Variants in ZDHHC15 observed in about 807,000 individuals in gnomAD.
ZDHHC15 encodes the protein zDHHC palmitoyltransferase 15, also known as palmitoyltransferase ZDHHC15.
In ZDHHC15, 19 loss-of-function variants were observed where a neutral mutation model predicts 31.7. That is an observed-to-expected ratio of 0.60 (90% CI 0.42 to 0.88). The LOEUF is 0.88. Among genes scored for constraint, ZDHHC15 ranks in the 40% least tolerant of loss-of-function variants. The pLI is 0.00. For missense variants in ZDHHC15, 209 were observed against 251.2 expected (o/e 0.83, Z 1.14); for synonymous variants, 103 against 90.0 (o/e 1.14, Z -0.82).
intron 2 of ZDHHC15, among the ~76,000 whole-genome samples, chrX:75,482,792 G>T (rs181469441): frequency 5.4e-4 from 60 of 110,266 alleles, no homozygotes; most frequent in African/African-American, 1.8e-3. Context: ...TTCAGATTTT[G>T]TTTGTTCCAT....
intron 4 of ZDHHC15, among the ~76,000 whole-genome samples, chrX:75,432,227 C>T (rs2083788911): frequency 9.0e-6 from 1 of 111,465 alleles, no homozygotes; most frequent in South Asian, 3.8e-4. Context: ...TTCCTTCCTT[C>T]CTTTCCTTTA....
At chrX:75,401,774 C>T (rs191176383) in intron 10 of ZDHHC15, among the ~76,000 whole-genome samples, 717 of 111,927 alleles carry the variant, frequency 6.4e-3, no homozygotes, top group Non-Finnish European at 9.8e-3. Flanking sequence ...GAGACAGAGT[C>T]CCACACAATA....
At chrX:75,385,686 G>A (rs189694170) in intron 10 of ZDHHC15, among the ~76,000 whole-genome samples, 24 of 110,819 alleles carry the variant, frequency 2.2e-4, no homozygotes, top group East Asian at 5.7e-4. Context: ...GGGGTGTTGC[G>A]CATTACAACC....
At chrX:75,391,330 C>T (rs1254530901) in intron 10 of ZDHHC15, among the ~76,000 whole-genome samples, 2 of 111,361 alleles carry the variant, frequency 1.8e-5, no homozygotes, top group Non-Finnish European at 3.8e-5. Context: ...ACAGAATTTC[C>T]CAAACCTAGA....
At chrX:75,421,801 T>C in intron 9 of ZDHHC15, 63 bp downstream of exon 9, 5 of 1,151,766 alleles carry the variant, frequency 4.3e-6, no homozygotes, top group Non-Finnish European at 5.8e-6. Flanking sequence ...ACAATCAAAA[T>C]TGAATTTGCT....
intron 4 of ZDHHC15, among the ~76,000 whole-genome samples, chrX:75,448,817 T>C (rs1030791334): frequency 1.8e-5 from 2 of 110,830 alleles, no homozygotes; most frequent in African/African-American, 3.3e-5. Context: ...ATAGGGTACC[T>C]AGATATTTGG....
intron 4 of ZDHHC15, among the ~76,000 whole-genome samples, chrX:75,434,129 T>A (rs994690868): frequency 2.7e-5 from 3 of 112,149 alleles, no homozygotes; most frequent in Admixed American, 9.5e-5. Context: ...GTTGGCCATT[T>A]GTATATCTTC....
At chrX:75,425,852 AT>A (rs957373402) in intron 7 of ZDHHC15, among the ~76,000 whole-genome samples, 1 of 111,129 alleles carries the variant, frequency 9.0e-6, no homozygotes, top group African/African-American at 3.3e-5. Context: ...ATTTTTATTC[AT>A]TTTTATGTAT....
intron 3 of ZDHHC15, among the ~76,000 whole-genome samples, chrX:75,464,034 C>A (rs1202916349): frequency 4.5e-5 from 5 of 111,919 alleles, no homozygotes; most frequent in African/African-American, 1.6e-4. Context: ...TGGAACCAAC[C>A]CAAATGTCCA....
At chrX:75,411,309 C>T (rs778392333) in intron 10 of ZDHHC15, among the ~76,000 whole-genome samples, 13 of 110,280 alleles carry the variant, frequency 1.2e-4, no homozygotes, top group Non-Finnish European at 2.3e-4. Context: ...CTGGGGTTCA[C>T]GCCACTCTCC....
At chrX:75,510,230 G>A (rs370107292) in intron 1 of ZDHHC15, among the ~76,000 whole-genome samples, 2 of 111,603 alleles carry the variant, frequency 1.8e-5, no homozygotes, top group Non-Finnish European at 3.8e-5. Flanking sequence ...GCACAACTTT[G>A]GATGGAGGTG....
At chrX:75,425,493 C>T (rs993040615) in intron 7 of ZDHHC15, among the ~76,000 whole-genome samples, 2 of 111,818 alleles carry the variant, frequency 1.8e-5, no homozygotes, top group Admixed American at 1.9e-4. Flanking sequence ...CCTTTTTTTC[C>T]GACATGCAGC....
chrX:75,474,640 C>A (rs1024987949), intron 3 of ZDHHC15, among the ~76,000 whole-genome samples: 1 of 44,674 alleles, frequency 2.2e-5, no homozygotes, highest in Non-Finnish European at 5.7e-5. Flanking sequence ...AGAACCCTGA[C>A]TAAAATATTC....
At chrX:75,519,549 G>T (rs1260580345) in intron 1 of ZDHHC15, among the ~76,000 whole-genome samples, 1 of 111,908 alleles carries the variant, frequency 8.9e-6, no homozygotes, top group East Asian at 2.8e-4. Flanking sequence ...CAAACTCTAA[G>T]AATTAAAGGA....
At chrX:75,515,006 C>G (rs999535128) in intron 1 of ZDHHC15, among the ~76,000 whole-genome samples, 1 of 111,120 alleles carries the variant, frequency 9.0e-6, no homozygotes, top group Admixed American at 9.6e-5. Context: ...ACACATACAC[C>G]ATCCCAAGAC....
chrX:75,521,834 T>C (rs2085446312), intron 1 of ZDHHC15, among the ~76,000 whole-genome samples: 1 of 111,140 alleles, frequency 9.0e-6, no homozygotes, highest in Non-Finnish European at 1.9e-5. Context: ...TGGCAGAATG[T>C]GGGGCTAAAA....
chrX:75,520,257 C>T (rs768190437), intron 1 of ZDHHC15, among the ~76,000 whole-genome samples: 1 of 111,923 alleles, frequency 8.9e-6, no homozygotes, highest in South Asian at 3.7e-4. Context: ...TCCTACGCTT[C>T]CTTTCATCTG....
chrX:75,461,606 G>A (rs1165816913), intron 3 of ZDHHC15, among the ~76,000 whole-genome samples: 3 of 112,121 alleles, frequency 2.7e-5, no homozygotes, highest in Non-Finnish European at 5.6e-5. Context: ...CTAAAAGCCA[G>A]AAGAGATTGG....
At chrX:75,486,625 T>G (rs776833520) in intron 2 of ZDHHC15, among the ~76,000 whole-genome samples, 1 of 112,022 alleles carries the variant, frequency 8.9e-6, no homozygotes, top group Non-Finnish European at 1.9e-5. Context: ...TGCCTGGATA[T>G]AAACGTGCAG....
Sources: gnomAD v4.1 joint callset for allele counts (sites outside exome capture counted in the v4.1 genomes callset) on GRCh38, gnomAD v4.1.1 for gene constraint, MANE v1.5 for transcripts, NCBI Gene and HGNC (gene_info 2026-07-23, HGNC 2026-07-21) for gene names.